CDH18: variants seen among roughly 807,000 people sequenced by gnomAD.
The protein encoded by CDH18 is cadherin-18.
A neutral mutation model predicts 67.9 loss-of-function variants in CDH18; 31 were observed. The observed-to-expected ratio is 0.46, with a 90% confidence interval of 0.34 to 0.62. The LOEUF is 0.62. Among genes scored for constraint, CDH18 ranks in the 20% least tolerant of loss-of-function variants. CDH18 has a pLI of 0.01. For synonymous variants in CDH18, 362 were observed against 347.2 expected (o/e 1.04, Z -0.48); for missense variants, 890 against 975.5 (o/e 0.91, Z 1.17).
chr5:20,140,118 C>G (rs1048863514), intron 2 of CDH18, among the ~76,000 whole-genome samples: 1 of 152,170 alleles, frequency 6.6e-6, no homozygotes, highest in East Asian at 1.9e-4. Context: ...CACATATACA[C>G]TATGGATTAC....
chr5:19,684,444 A>C (rs908124863), intron 5 of CDH18, among the ~76,000 whole-genome samples: 57 of 151,074 alleles, frequency 3.8e-4, no homozygotes, highest in African/African-American at 1.3e-3. Flanking sequence ...ATAAAATATC[A>C]TTTTTAATAA....
At chr5:19,618,743 G>A (rs1298941595) in intron 5 of CDH18, among the ~76,000 whole-genome samples, 1 of 152,094 alleles carries the variant, frequency 6.6e-6, no homozygotes, top group Non-Finnish European at 1.5e-5. Context: ...TTGCCCCAGA[G>A]ATTCTTGTGA....
chr5:20,553,534 C>A (rs1220969192), intron 1 of CDH18, among the ~76,000 whole-genome samples: 2 of 152,050 alleles, frequency 1.3e-5, no homozygotes, highest in Non-Finnish European at 2.9e-5. Context: ...TGAAAACTCC[C>A]CATATTACAG....
intron 8 of CDH18, among the ~76,000 whole-genome samples, chr5:19,548,761 TTTTTTTTTTA>T (rs1479136005): frequency 6.6e-6 from 1 of 151,846 alleles, no homozygotes; most frequent in Non-Finnish European, 1.5e-5. Context: ...GCTTTTTTTT[TTTTTTTTTTA>T]TGAAGTGTCG....
chr5:19,919,274 C>T (rs1273566479), intron 2 of CDH18, among the ~76,000 whole-genome samples: 2 of 151,170 alleles, frequency 1.3e-5, no homozygotes, highest in African/African-American at 4.9e-5. Context: ...TATTATAATC[C>T]TTATTATATG....
chr5:20,534,286 A>C (rs936420560), intron 1 of CDH18, among the ~76,000 whole-genome samples: 9 of 152,112 alleles, frequency 5.9e-5, no homozygotes, highest in Admixed American at 2.0e-4. Flanking sequence ...CAATACAAGT[A>C]AGTGCTTCTT....
At chr5:19,575,072 T>C (rs1742102894) in intron 7 of CDH18, among the ~76,000 whole-genome samples, 1 of 152,000 alleles carries the variant, frequency 6.6e-6, no homozygotes, top group Admixed American at 6.6e-5. Context: ...ACCATATCAC[T>C]GATGCTCATA....
intron 2 of CDH18, among the ~76,000 whole-genome samples, chr5:20,213,690 T>C (rs1740533745): frequency 6.6e-6 from 1 of 152,140 alleles, no homozygotes; most frequent in Admixed American, 6.6e-5. Context: ...GTGTTCATAA[T>C]ATTCTCTGTT....
chr5:20,279,725 A>AAAAAAC lies in CDH18; in HGVS notation c.-579-24221_-579-24220insGTTTTT, dbSNP rs59764100. ...AAAAAAAAAAAAAAAAAAAAAAAAA[A>AAAAAAC]AAAGCAAAAACTGTAAGAGCGAGAT... On this transcript the variant is annotated intron_variant, in intron 1 of 14. Coordinates refer to the CDH18 transcript ENST00000507958. 1.4e-3 allele frequency among the ~76,000 whole-genome samples: 181 copies of AAAAAAC among 128,850 alleles called. 15 individuals are homozygous for AAAAAAC. The highest frequency in any genetic ancestry group is 5.7e-3 in the African/African-American group (166 of 29,350). The allele number at this position is 128,850 out of a possible 152,430, so 84.5% of individuals were successfully genotyped here.
intron 2 of CDH18, among the ~76,000 whole-genome samples, chr5:19,858,959 G>A (rs183507573): frequency 1.3e-5 from 2 of 151,160 alleles, no homozygotes; most frequent in Non-Finnish European, 2.9e-5. Flanking sequence ...AACTGAGCAT[G>A]AAAAATGAAA....
chr5:19,522,613 C>T (rs1025821883), intron 9 of CDH18, among the ~76,000 whole-genome samples: 3 of 151,830 alleles, frequency 2.0e-5, no homozygotes, highest in Admixed American at 6.6e-5. Context: ...CAGAATTGCA[C>T]GCCGGGCATG....
chr5:20,438,885 A>G lies in CDH18; in HGVS notation c.-580+136577T>C, dbSNP rs185588436. On this transcript the variant is annotated intron_variant, in intron 1 of 14. Coordinates refer to the CDH18 transcript ENST00000507958. Reference sequence around the variant, plus strand: ...TATGTTAGGAGATACGAGTGTAGAAACACTGAAAAATGAGACATACAAAAT... The same window carrying G: ...TATGTTAGGAGATACGAGTGTAGAAGCACTGAAAAATGAGACATACAAAAT... Among the ~76,000 whole-genome samples the G allele has an allele frequency of 1.0e-3, 157 of 151,710 alleles. 2 individuals carry two copies. Among genetic ancestry groups the G allele is most frequent in the African/African-American group, 3.5e-3 (143 of 41,276 alleles).
At chr5:20,395,451 G>T (rs1343263579) in intron 1 of CDH18, among the ~76,000 whole-genome samples, 2 of 152,020 alleles carry the variant, frequency 1.3e-5, no homozygotes, top group African/African-American at 4.8e-5. Flanking sequence ...AATAGAGAGG[G>T]TAGGAAGTAG....
chr5:20,115,339 C>T (rs1381756126), intron 2 of CDH18, among the ~76,000 whole-genome samples: 7 of 113,832 alleles, frequency 6.1e-5, no homozygotes, highest in South Asian at 6.1e-4. Context: ...AGTGTAGTGG[C>T]GCGATCTCAG....
chr5:19,509,986 A>G (rs2126819239), intron 10 of CDH18, among the ~76,000 whole-genome samples: 1 of 152,200 alleles, frequency 6.6e-6, no homozygotes, highest in East Asian at 1.9e-4. Flanking sequence ...CTGCTGTTAT[A>G]CGGGGCTTAA....
chr5:19,537,515 A>G (rs1049584238), intron 9 of CDH18, among the ~76,000 whole-genome samples: 3 of 152,008 alleles, frequency 2.0e-5, no homozygotes, highest in African/African-American at 7.3e-5. Flanking sequence ...TTCTCTGGAG[A>G]ATCCTAATAC....
At chr5:19,810,659 G>A (rs1375891403) in intron 3 of CDH18, among the ~76,000 whole-genome samples, 2 of 151,884 alleles carry the variant, frequency 1.3e-5, no homozygotes, top group South Asian at 4.2e-4. Context: ...TTTCTAATTA[G>A]GTGTAAAAAT....
intron 2 of CDH18, among the ~76,000 whole-genome samples, chr5:20,203,687 C>A (rs1483769519): frequency 1.3e-5 from 2 of 148,868 alleles, no homozygotes; most frequent in Admixed American, 6.7e-5. Context: ...GAATAAAGAA[C>A]TAATCCTTCA....
chr5:19,733,813 G>A (rs1190429659), intron 4 of CDH18, among the ~76,000 whole-genome samples: 1 of 152,186 alleles, frequency 6.6e-6, no homozygotes, highest in African/African-American at 2.4e-5. Context: ...TGGGGCTTGG[G>A]TGTCTCAGGC....
Sources: gnomAD v4.1 joint callset for allele counts (sites outside exome capture counted in the v4.1 genomes callset) on GRCh38, gnomAD v4.1.1 for gene constraint, MANE v1.5 for transcripts, NCBI Gene and HGNC (gene_info 2026-07-23, HGNC 2026-07-21) for gene names.